SLC25A51: variants seen among roughly 807,000 people sequenced by gnomAD.
SLC25A51 encodes solute carrier family 25 member 51.
Under a neutral mutation model 19.1 loss-of-function variants are expected in SLC25A51, and 11 were observed. The observed-to-expected ratio is 0.58, with a 90% CI of 0.36 to 0.96. SLC25A51 has a LOEUF of 0.96. Among genes scored for constraint, SLC25A51 ranks in the 40% least tolerant of loss-of-function variants. The pLI is 0.01. For synonymous variants in SLC25A51, 105 were observed against 133.6 expected, an observed-to-expected ratio of 0.79 and a Z score of 1.47; for missense variants, 201 against 365.4, an observed-to-expected ratio of 0.55 and a Z score of 3.67.
At chr9:37,901,508 C>A (rs146686967) in intron 1 of SLC25A51, among the ~76,000 whole-genome samples, 218 of 152,282 alleles carry the variant, frequency 1.4e-3, no homozygotes, top group African/African-American at 5.1e-3. Context: ...CTATTTTTAT[C>A]CTTTATTTCA....
At chr9:37,898,642 C>A (rs1011704819) in intron 2 of SLC25A51, among the ~76,000 whole-genome samples, 2 of 152,054 alleles carry the variant, frequency 1.3e-5, no homozygotes, top group African/African-American at 4.8e-5. Flanking sequence ...TTGCCGGAAC[C>A]CAGGAGGCAA....
intron 3 of SLC25A51, chr9:37,881,379 G>A (rs1254197102): frequency 6.6e-6 from 1 of 152,170 alleles, no homozygotes; most frequent in Non-Finnish European, 1.5e-5. Flanking sequence ...AATGTGGCCA[G>A]GCACAGTAGC....
intron 1 of SLC25A51, among the ~76,000 whole-genome samples, chr9:37,901,318 CCA>C: frequency 6.6e-6 from 1 of 152,088 alleles, no homozygotes; most frequent in Non-Finnish European, 1.5e-5. Flanking sequence ...TACAGGCATG[CCA>C]CAATACCCGG....
At chr9:37,879,345 C>A, downstream of SLC25A51, 1 of 191,252 alleles carries the variant, frequency 5.2e-6, no homozygotes. Flanking sequence ...TCAGTGGTCT[C>A]GGCTATTCAA....
At chr9:37,897,448 G>A (rs1461054199) in intron 2 of SLC25A51, among the ~76,000 whole-genome samples, 2 of 151,878 alleles carry the variant, frequency 1.3e-5, no homozygotes, top group African/African-American at 4.8e-5. Context: ...TGGGTATTAA[G>A]GTTAGAACCA....
intron 2 of SLC25A51, among the ~76,000 whole-genome samples, chr9:37,894,449 C>G (rs1831668187): frequency 6.6e-6 from 1 of 151,982 alleles, no homozygotes; most frequent in African/African-American, 2.4e-5. Flanking sequence ...GCCTCAGCCT[C>G]CCGAGTAGCT....
intron 2 of SLC25A51, among the ~76,000 whole-genome samples, chr9:37,882,365 T>A (rs1831365423): frequency 6.6e-6 from 1 of 152,194 alleles, no homozygotes; most frequent in Non-Finnish European, 1.5e-5. Context: ...GCCCTCTAGA[T>A]CCCATTTCAT....
At chr9:37,879,737 G>A (rs1422770541) in exon 4 of SLC25A51, 2 of 152,266 alleles carry the variant, frequency 1.3e-5, no homozygotes, top group African/African-American at 4.8e-5. Context: ...CCCCAAGGAA[G>A]TGACACTTCA....
chr9:37,886,820 G>A (rs1048834927), downstream of SLC25A51, among the ~76,000 whole-genome samples: 33 of 152,294 alleles, frequency 2.2e-4, no homozygotes, highest in African/African-American at 7.0e-4. Context: ...TTTCCCCCAA[G>A]GACTCTTGCT....
downstream of SLC25A51, chr9:37,885,836 A>G (rs1831442457): frequency 8.7e-6 from 14 of 1,604,470 alleles, 1 homozygote; most frequent in South Asian, 1.5e-4. Flanking sequence ...GCATGGGCCT[A>G]CTTTACATCA....
downstream of SLC25A51, among the ~76,000 whole-genome samples, chr9:37,887,265 C>G (rs1407263547): frequency 6.7e-6 from 1 of 150,036 alleles, no homozygotes; most frequent in Non-Finnish European, 1.5e-5. Context: ...TGCAGTGAGC[C>G]AAGATCGTGC....
exon 4 of SLC25A51, chr9:37,880,335 T>C (rs1031473013): frequency 6.6e-6 from 1 of 150,734 alleles, no homozygotes. Flanking sequence ...TTATTGACAA[T>C]ATGAAGAATA....
downstream of SLC25A51, chr9:37,886,366 T>G: frequency 6.2e-7 from 1 of 1,608,826 alleles, no homozygotes; most frequent in Non-Finnish European, 8.5e-7. Context: ...CAGTGTCAGA[T>G]GGGGAAAGCA....
At chr9:37,893,581 T>C (rs2118344108) in intron 2 of SLC25A51, among the ~76,000 whole-genome samples, 1 of 152,314 alleles carries the variant, frequency 6.6e-6, no homozygotes, top group African/African-American at 2.4e-5. Context: ...TCCAAAATAT[T>C]TTGTTCAGTT....
intron 1 of SLC25A51, among the ~76,000 whole-genome samples, chr9:37,901,020 C>G (rs983280359): frequency 2.6e-5 from 4 of 151,976 alleles, no homozygotes; most frequent in African/African-American, 9.7e-5. Context: ...CCCGCACCAC[C>G]AAGCCCAGCT....
intron 2 of SLC25A51, among the ~76,000 whole-genome samples, chr9:37,891,500 G>A (rs1184884836): frequency 6.6e-6 from 1 of 152,216 alleles, no homozygotes. Flanking sequence ...ACTCCATTTT[G>A]TTCTGTACTA....
At chr9:37,885,712 G>A (rs1831439606), downstream of SLC25A51, 32 of 1,408,962 alleles carry the variant, frequency 2.3e-5, no homozygotes, top group South Asian at 3.0e-4. Context: ...ATGTTTCTCA[G>A]TGCCATTGTG....
At chr9:37,892,313 G>A (rs1831608805) in intron 2 of SLC25A51, among the ~76,000 whole-genome samples, 1 of 152,236 alleles carries the variant, frequency 6.6e-6, no homozygotes, top group South Asian at 2.1e-4. Context: ...CTGTCACTAT[G>A]CACATAAGGG....
intron 2 of SLC25A51, among the ~76,000 whole-genome samples, chr9:37,896,177 G>T (rs1831710196): frequency 6.6e-6 from 1 of 152,114 alleles, no homozygotes; most frequent in Non-Finnish European, 1.5e-5. Context: ...AAAGATAACA[G>T]ACTGCCAACA....
Sources: allele counts gnomAD v4.1 joint callset (sites outside exome capture counted in the v4.1 genomes callset), GRCh38; gene constraint gnomAD v4.1.1; transcripts MANE v1.5; gene names NCBI Gene and HGNC (gene_info 2026-07-23, HGNC 2026-07-21).